The following SNTG1 variants were observed in gnomAD, a reference collection of about 807,000 sequenced individuals.
The protein encoded by SNTG1 is gamma-1-syntrophin.
Under a neutral mutation model 74.7 loss-of-function variants are expected in SNTG1, and 39 were observed. The observed-to-expected ratio is 0.52, with a 90% CI of 0.40 to 0.68. The LOEUF is 0.68. Among genes scored for constraint, SNTG1 ranks in the 30% least tolerant of loss-of-function variants. The pLI is 0.00. For missense variants in SNTG1, 685 were observed against 609.5 expected (o/e 1.12, Z -1.30); for synonymous variants, 254 against 217.1 (o/e 1.17, Z -1.49).
chr8:50,345,296 C>T (rs2091438620), intron 2 of SNTG1, among the ~76,000 whole-genome samples: 1 of 152,178 alleles, frequency 6.6e-6, no homozygotes, highest in East Asian at 1.9e-4. Flanking sequence ...CAATTACTAG[C>T]CCATAGATAT....
chr8:50,695,212 C>G (rs928892931), intron 15 of SNTG1, among the ~76,000 whole-genome samples: 1 of 151,442 alleles, frequency 6.6e-6, no homozygotes, highest in African/African-American at 2.4e-5. Context: ...CTCACACACA[C>G]ACACAAAAAA....
intron 18 of SNTG1, chr8:50,762,789 C>T (rs1300069804): frequency 4.3e-6 from 2 of 463,478 alleles, no homozygotes; most frequent in Non-Finnish European, 8.7e-6. Flanking sequence ...CCTTTCTCAA[C>T]ATCACCCATA....
At chr8:50,130,287 T>C (rs1328908774) in intron 1 of SNTG1, among the ~76,000 whole-genome samples, 4 of 152,090 alleles carry the variant, frequency 2.6e-5, no homozygotes, top group Admixed American at 2.0e-4. Flanking sequence ...ACAAAGCTAA[T>C]TGGAGTTTCA....
chr8:50,039,376 A>G (rs1335573558), intron 1 of SNTG1, among the ~76,000 whole-genome samples: 1 of 145,752 alleles, frequency 6.9e-6, no homozygotes, highest in East Asian at 2.1e-4. Context: ...AATGGCATGA[A>G]CCTGGGAGGC....
At chr8:50,337,866 G>T (rs2091194139) in intron 2 of SNTG1, among the ~76,000 whole-genome samples, 1 of 152,216 alleles carries the variant, frequency 6.6e-6, no homozygotes, top group East Asian at 1.9e-4. Flanking sequence ...GCCGGGCGCA[G>T]TGGCTCACGC....
At position 50,446,404 on chromosome 8, in the gene SNTG1, A is replaced by T. The variant is rs190271640; in HGVS notation, c.220-3264A>T. Among the ~76,000 whole-genome samples, 226 of 148,306 alleles carry T rather than the reference A, an allele frequency of 1.5e-3. 2 individuals are homozygous for T. The highest frequency in any genetic ancestry group is 0.011 in the Middle Eastern group (3 of 282). ...CAAAAAAAAAAAACAGGCCAGGTGC[A>T]GTGGCTCGTGCCTGTAATCCCAGCA... On this transcript the variant is annotated intron_variant, in intron 5 of 18. Coordinates refer to ENST00000642720, the MANE Select transcript of SNTG1 (RefSeq NM_018967.5).
intron 9 of SNTG1, among the ~76,000 whole-genome samples, chr8:50,522,217 C>A (rs1274150047): frequency 6.6e-6 from 1 of 152,084 alleles, no homozygotes; most frequent in South Asian, 2.1e-4. Flanking sequence ...CTACATTAAT[C>A]TTTTTCATCT....
chr8:50,080,917 C>T (rs1003334770), intron 1 of SNTG1, among the ~76,000 whole-genome samples: 3 of 152,194 alleles, frequency 2.0e-5, no homozygotes, highest in Admixed American at 6.5e-5. Context: ...ATTGCTTATT[C>T]TAATAAAATA....
chr8:50,275,568 C>T (rs1352743849), intron 2 of SNTG1, among the ~76,000 whole-genome samples: 1 of 152,118 alleles, frequency 6.6e-6, no homozygotes, highest in Non-Finnish European at 1.5e-5. Flanking sequence ...AACTTAAACC[C>T]CTGTGTAAAA....
chr8:50,533,765 A>T (rs1167783026), intron 10 of SNTG1, among the ~76,000 whole-genome samples: 1 of 152,212 alleles, frequency 6.6e-6, no homozygotes, highest in Admixed American at 6.5e-5. Flanking sequence ...AAGAAATATA[A>T]GAAAGTGACA....
chr8:50,669,630 C>T (rs1266176098), intron 15 of SNTG1, among the ~76,000 whole-genome samples: 5 of 152,196 alleles, frequency 3.3e-5, no homozygotes, highest in Non-Finnish European at 7.3e-5. Context: ...GAACTGGTAC[C>T]ATTCCTTCTG....
chr8:50,368,953 G>T (rs1302445896), intron 2 of SNTG1, among the ~76,000 whole-genome samples: 1 of 152,116 alleles, frequency 6.6e-6, no homozygotes, highest in Non-Finnish European at 1.5e-5. Flanking sequence ...AGCGCTGGAG[G>T]GGAATTTTGG....
chr8:49,959,300 T>G (rs1810471610), intron 1 of SNTG1, among the ~76,000 whole-genome samples: 1 of 152,216 alleles, frequency 6.6e-6, no homozygotes, highest in Non-Finnish European at 1.5e-5. Flanking sequence ...AAGTCTTTTC[T>G]GTTATTCTTG....
intron 9 of SNTG1, among the ~76,000 whole-genome samples, chr8:50,523,718 A>G (rs1177807411): frequency 6.6e-6 from 1 of 152,208 alleles, no homozygotes; most frequent in African/African-American, 2.4e-5. Context: ...AATAATAATG[A>G]AAAAGTTGAA....
intron 4 of SNTG1, among the ~76,000 whole-genome samples, chr8:50,412,686 C>T (rs759271676): frequency 6.6e-6 from 1 of 152,234 alleles, no homozygotes; most frequent in East Asian, 1.9e-4. Flanking sequence ...TCTTAAATAG[C>T]AGGTAGAATT....
chr8:50,582,789 A>G (rs144571122), intron 12 of SNTG1, among the ~76,000 whole-genome samples: 6 of 152,298 alleles, frequency 3.9e-5, no homozygotes, highest in African/African-American at 1.4e-4. Flanking sequence ...AATACTACAC[A>G]AAAGTGTCAT....
At chr8:50,728,247 TACGA>T (rs1339635095) in intron 17 of SNTG1, among the ~76,000 whole-genome samples, 9 of 152,152 alleles carry the variant, frequency 5.9e-5, no homozygotes, top group African/African-American at 1.9e-4. Context: ...ACTAACTATA[TACGA>T]AGAGGCCATT....
chr8:50,672,044 T>A (rs2095286094), intron 15 of SNTG1, among the ~76,000 whole-genome samples: 1 of 72,280 alleles, frequency 1.4e-5, no homozygotes, highest in African/African-American at 5.9e-5. Context: ...GGGACTGTTG[T>A]GGGGTGGGGG....
chr8:50,595,020 ATGTGTGTGTG>A (rs57799690), intron 13 of SNTG1, among the ~76,000 whole-genome samples: 42 of 147,834 alleles, frequency 2.8e-4, no homozygotes, highest in Non-Finnish European at 4.7e-4. Context: ...TTTATTGAAG[ATGTGTGTGTG>A]TGTGTGTGTG....
Sources: gnomAD v4.1 joint callset for allele counts (sites outside exome capture counted in the v4.1 genomes callset) on GRCh38, gnomAD v4.1.1 for gene constraint, MANE v1.5 for transcripts, NCBI Gene and HGNC (gene_info 2026-07-23, HGNC 2026-07-21) for gene names.